EBAG9: variants seen among roughly 807,000 people sequenced by gnomAD.
EBAG9 encodes the protein receptor-binding cancer antigen expressed on SiSo cells.
EBAG9 carries 16 observed loss-of-function variants against 30.9 expected under a neutral mutation model. The ratio of observed to expected loss-of-function variants is 0.52; its 90% CI spans 0.35 to 0.79. The LOEUF (loss-of-function observed/expected upper bound fraction) is 0.79, where lower values mean the gene tolerates loss of function less well. Ranked by LOEUF, EBAG9 falls within the 30% of genes least tolerant of loss-of-function variation. The probability of loss-of-function intolerance (pLI) is 0.01; values close to 1 mark genes in which losing one functional copy is unlikely to be tolerated. For missense variants in EBAG9, 197 were observed against 242.1 expected, an observed-to-expected ratio of 0.81 and a Z score of 1.24; for synonymous variants, 93 against 82.8, an observed-to-expected ratio of 1.12 and a Z score of -0.67.
In EBAG9 at chr8:109,565,878, G is replaced by A. The variant is rs1821815794; in HGVS notation, c.*1319G>A. 6.6e-6 allele frequency: 1 copy of A among 152,060 alleles called. No individual in the cohort carries two copies. Among genetic ancestry groups the A allele is most frequent in the Admixed American group, 6.6e-5 (1 of 15,262 alleles). 9.4% of individuals were successfully genotyped at this position (152,060 alleles called of 1,614,324 possible). The stretch of plus-strand genomic sequence containing the variant: ...CTTAGCCTAAGCTTTCAGACTAAAT[G>A]TGATTATAGAATAAGATGAAAGTTA... On this transcript the variant is annotated 3_prime_UTR_variant, in exon 7 of 7. Coordinates refer to ENST00000337573, the MANE Select transcript of EBAG9 (RefSeq NM_004215.5).
chr8:109,565,170 G>A lies in EBAG9; in HGVS notation c.*611G>A, dbSNP rs117970035. On this transcript the variant is annotated 3_prime_UTR_variant, in exon 7 of 7. Coordinates refer to ENST00000337573, the MANE Select transcript of EBAG9 (RefSeq NM_004215.5). Reference sequence around the variant, plus strand: ...TAATTTTACTTATCATAAACATTTTGTACATCATTATTTTCTTTTGGATTA... The same window carrying A: ...TAATTTTACTTATCATAAACATTTTATACATCATTATTTTCTTTTGGATTA... 4.0e-3 allele frequency: 613 copies of A among 152,180 alleles called. 11 individuals are homozygous for A. The highest frequency in any genetic ancestry group is 0.011 in the East Asian group (57 of 5,182). 9.4% of individuals were successfully genotyped at this position (152,180 alleles called of 1,614,324 possible). A position where few individuals can be genotyped will look rare whatever the true frequency, so the allele number is the denominator to read the frequency against.
chr8:109,561,576 A>G (rs1821711422), intron 6 of EBAG9, among the ~76,000 whole-genome samples: 1 of 152,096 alleles, frequency 6.6e-6, no homozygotes, highest in Non-Finnish European at 1.5e-5. Flanking sequence ...AGGGAGAGCT[A>G]GTGACTGATT....
intron 1 of EBAG9, among the ~76,000 whole-genome samples, chr8:109,549,554 A>G (rs1299371891): frequency 6.6e-6 from 1 of 152,028 alleles, no homozygotes; most frequent in Admixed American, 6.5e-5. Context: ...TTTAATAGAT[A>G]TATAGATTTT....
chr8:109,541,533 C>T (rs7839449), intron 1 of EBAG9, among the ~76,000 whole-genome samples: 8,120 of 152,238 alleles, frequency 0.053, 494 homozygotes, highest in African/African-American at 0.15. Context: ...CTTGAGCGTT[C>T]AAGTGCTCAA....
intron 1 of EBAG9, among the ~76,000 whole-genome samples, chr8:109,542,994 G>T (rs1821307736): frequency 6.6e-6 from 1 of 152,066 alleles, no homozygotes; most frequent in African/African-American, 2.4e-5. Context: ...ATTGAATAGG[G>T]TCTTTTTGGC....
At chr8:109,558,648 A>G (rs1487560611) in intron 5 of EBAG9, among the ~76,000 whole-genome samples, 3 of 151,994 alleles carry the variant, frequency 2.0e-5, no homozygotes, top group Admixed American at 6.6e-5. Flanking sequence ...CTCCACTGCT[A>G]TTTCCACGTA....
chr8:109,563,637 T>TA, intron 6 of EBAG9: 1 of 1,261,484 alleles, frequency 7.9e-7, no homozygotes, highest in Admixed American at 2.6e-5. Context: ...GCAGGTTTGT[T>TA]ACACAGGTAA....
At chr8:109,542,686 C>T (rs918503298) in intron 1 of EBAG9, among the ~76,000 whole-genome samples, 6 of 151,942 alleles carry the variant, frequency 3.9e-5, no homozygotes, top group African/African-American at 1.5e-4. Context: ...AGTGATTGTT[C>T]ACCATCATAA....
At chr8:109,551,461 A>G (rs934292612) in intron 2 of EBAG9, among the ~76,000 whole-genome samples, 1 of 152,144 alleles carries the variant, frequency 6.6e-6, no homozygotes, top group African/African-American at 2.4e-5. Context: ...ATCATACCCA[A>G]GAGCTATGAT....
In EBAG9 at chr8:109,560,882, A is replaced by G; in HGVS notation, c.474A>G (p.Ala158=). Residue 158 remains alanine (A), a synonymous_variant, in exon 6 of 7, where the codon GCA becomes GCG. Coordinates refer to ENST00000337573, the MANE Select transcript of EBAG9 (RefSeq NM_004215.5). ...ATACCTGGCAGGAAAATACCAATGC[A>G]TGGGAAGAAGAAGAAGATGCAGCCT... ...DLDTWQENTN[A]WEEEEDAAWQ... is the part of the protein sequence containing the mutation. 3.1e-6 allele frequency: 5 copies of G among 1,613,330 alleles called. No homozygotes were observed. The highest frequency in any genetic ancestry group is 4.2e-6 in the Non-Finnish European group (5 of 1,179,574).
At chr8:109,556,384 G>T (rs75863633) in intron 4 of EBAG9, among the ~76,000 whole-genome samples, 6,652 of 152,104 alleles carry the variant, frequency 0.044, 206 homozygotes, top group Non-Finnish European at 0.071. Flanking sequence ...ATTTTTAAAG[G>T]ATCCTTTAAG....
At chr8:109,553,834 C>T in intron 2 of EBAG9, 31 bp from the exon 3 acceptor site, 1 of 1,559,432 alleles carries the variant, frequency 6.4e-7, no homozygotes. Context: ...TTTGGTGGTT[C>T]TTGAAATAAA....
chr8:109,553,830 G>C (rs752323333), intron 2 of EBAG9, 35 bp from the exon 3 acceptor site: 2 of 1,544,576 alleles, frequency 1.3e-6, no homozygotes, highest in South Asian at 2.4e-5. Context: ...TTGTTTTGGT[G>C]GTTCTTGAAA....
chr8:109,552,685 G>A (rs1401178977), intron 2 of EBAG9, among the ~76,000 whole-genome samples: 1 of 152,142 alleles, frequency 6.6e-6, no homozygotes, highest in South Asian at 2.1e-4. Context: ...ATAAATTTCT[G>A]TTGTAAATGT....
At chr8:109,542,655 T>C (rs981017232) in intron 1 of EBAG9, among the ~76,000 whole-genome samples, 2 of 152,204 alleles carry the variant, frequency 1.3e-5, no homozygotes, top group Non-Finnish European at 2.9e-5. Context: ...GTTTTGTTCT[T>C]GACAAATCAG....
chr8:109,554,671 A>G (rs1821559984), intron 3 of EBAG9, 58 bp from the exon 4 acceptor site: 7 of 1,539,102 alleles, frequency 4.5e-6, no homozygotes, highest in Non-Finnish European at 5.3e-6. Context: ...TAAATCATCA[A>G]TGATGTGTTC....
rs1199604597 is a variant in EBAG9, at chr8:109,540,281, G to T, written c.-196G>T. On this transcript the variant is annotated 5_prime_UTR_variant, in exon 1 of 7. Transcript: ENST00000337573. ...AGCCGCCTTCCTCAGGGAAATTTGC[G>T]TGACCTTACTGCCCTCCGTCTACAG... The T allele has an allele frequency of 2.0e-5, 3 of 152,444 alleles. No homozygotes were observed. Among genetic ancestry groups the T allele is most frequent in the Admixed American group, 6.5e-5 (1 of 15,286 alleles). 9.4% of individuals were successfully genotyped at this position (152,444 alleles called of 1,614,324 possible).
chr8:109,555,886 A>G (rs1362149324), intron 4 of EBAG9, among the ~76,000 whole-genome samples: 1 of 152,136 alleles, frequency 6.6e-6, no homozygotes, highest in African/African-American at 2.4e-5. Flanking sequence ...CTTCTGACCC[A>G]TCACTCTTAG....
rs1821799430 is a variant in EBAG9, at chr8:109,565,053, A to G, written c.*494A>G. On this transcript the variant is annotated 3_prime_UTR_variant, in exon 7 of 7. Coordinates refer to ENST00000337573, the MANE Select transcript of EBAG9 (RefSeq NM_004215.5). ...TTGTCAAAAGTTGGTGTTGACATAC[A>G]TTCCCTCTAATTTGAACTGGTATTG... 6.6e-6 allele frequency: 1 copy of G among 152,532 alleles called. No homozygotes were observed. The highest frequency in any genetic ancestry group is 1.5e-5 in the Non-Finnish European group (1 of 67,982). 9.4% of individuals were successfully genotyped at this position (152,532 alleles called of 1,614,324 possible). A position where few individuals can be genotyped will look rare whatever the true frequency, so the allele number is the denominator to read the frequency against.
Sources: gnomAD v4.1 joint callset for allele counts (sites outside exome capture counted in the v4.1 genomes callset) on GRCh38, gnomAD v4.1.1 for gene constraint, MANE v1.5 for transcripts, NCBI Gene and HGNC (gene_info 2026-07-23, HGNC 2026-07-21) for gene names.